Variants in SMARCA4 observed in about 807,000 individuals in gnomAD.
The protein encoded by SMARCA4 is SWI/SNF-related matrix-associated actin-dependent regulator of chromatin subfamily A member 4.
SMARCA4 carries 31 observed loss-of-function variants against 193.9 expected under a neutral mutation model. That is an observed-to-expected ratio of 0.16 (90% CI 0.12 to 0.22). The LOEUF (loss-of-function observed/expected upper bound fraction) is 0.22. Among genes scored for constraint, SMARCA4 ranks in the 10% least tolerant of loss-of-function variants. SMARCA4 has a pLI of 1.00. For synonymous variants in SMARCA4, 942 were observed against 933.1 expected (o/e 1.01, Z -0.17); for missense variants, 1,148 against 2,296.0 (o/e 0.50, Z 10.22).
chr19:11,045,072 G>A (rs576217058), intron 30 of SMARCA4, among the ~76,000 whole-genome samples: 8 of 152,364 alleles, frequency 5.3e-5, no homozygotes, highest in Admixed American at 2.0e-4. Flanking sequence ...TGTAATCCCA[G>A]CACTTTGGGA....
chr19:11,055,344 C>T (rs1187135497), intron 30 of SMARCA4, among the ~76,000 whole-genome samples: 1 of 152,140 alleles, frequency 6.6e-6, no homozygotes, highest in Non-Finnish European at 1.5e-5. Context: ...TGCCTGTCAC[C>T]ACGCCTGGCT....
chr19:10,962,379 A>G (rs2083880844), intron 1 of SMARCA4, among the ~76,000 whole-genome samples: 1 of 151,962 alleles, frequency 6.6e-6, no homozygotes, highest in Non-Finnish European at 1.5e-5. Flanking sequence ...GCAGTCTTGG[A>G]GGGGAGCGGG....
intron 13 of SMARCA4, among the ~76,000 whole-genome samples, chr19:11,006,294 G>C (rs181481208): frequency 3.7e-4 from 57 of 152,358 alleles, no homozygotes; most frequent in Middle Eastern, 3.4e-3. Flanking sequence ...AGGCTGGAAA[G>C]CCATTAAATG....
At chr19:11,001,657 T>C (rs1014975602) in intron 11 of SMARCA4, among the ~76,000 whole-genome samples, 4 of 152,156 alleles carry the variant, frequency 2.6e-5, no homozygotes, top group African/African-American at 9.6e-5. Flanking sequence ...AAGAGGTTGC[T>C]CTTATGGTGG....
rs1310204828 is a variant in SMARCA4 at position 10,991,307 on chromosome 19, G to A, written c.1403G>A (p.Arg468His). Residue 468 changes from arginine (R) to histidine (H), a missense_variant, in exon 8 of 35, where the codon CGC (arginine) becomes CAC (histidine). By Grantham distance (29) the Arg-to-His change is conservative. Transcript: ENST00000344626. ...KQQKIEQERK[R>H]RQKHQEYLNS... ...CAGAAGATCGAGCAGGAGCGCAAGCGCCGGCAGAAGCACCAGGTACGCTCC... is the reference window on the plus strand; with the variant it reads ...CAGAAGATCGAGCAGGAGCGCAAGCACCGGCAGAAGCACCAGGTACGCTCC... The A allele has an allele frequency of 1.2e-6, 2 of 1,601,852 alleles. No homozygotes were observed. Among genetic ancestry groups the A allele is most frequent in the East Asian group, 2.3e-5 (1 of 44,338 alleles).
At chr19:11,043,406 GAAA>G (rs140614452) in intron 30 of SMARCA4, among the ~76,000 whole-genome samples, 4 of 152,184 alleles carry the variant, frequency 2.6e-5, no homozygotes, top group Non-Finnish European at 5.9e-5. Context: ...TCAGTATTGA[GAAA>G]AAAATATATA....
chr19:10,978,589 G>A (rs1162893131), intron 1 of SMARCA4, among the ~76,000 whole-genome samples: 9 of 151,622 alleles, frequency 5.9e-5, no homozygotes, highest in Non-Finnish European at 1.3e-4. Flanking sequence ...GCCTCCCAAA[G>A]TGCTGGGATT....
Position 11,013,357 on chromosome 19 carries a change from G to A in SMARCA4, c.2438+245G>A, listed in dbSNP as rs530791425. Among the ~76,000 whole-genome samples, 38 of 152,298 alleles carry A rather than the reference G, an allele frequency of 2.5e-4. No homozygotes were observed. In the East Asian group the frequency reaches 6.2e-3, roughly 25 times the overall value. ...TCTTCACATGGTCCTTCCTCTGTGC[G>A]TGTCTGTGTCCTCATCTCTTCTTCT... On this transcript the variant is annotated intron_variant, in intron 16 of 34. Coordinates refer to ENST00000344626, the MANE Select transcript of SMARCA4 (RefSeq NM_003072.5).
rs745677681 is a variant in SMARCA4, at chr19:11,041,460, A to C, written c.4324A>C (p.Lys1442Gln). Residue 1442 changes from lysine to glutamine, a missense_variant, in exon 30 of 35, where the codon AAG (lysine) becomes CAG (glutamine). Coordinates refer to ENST00000344626, the MANE Select transcript of SMARCA4 (RefSeq NM_003072.5). This position sits in a 1 kb window ranked among gnomAD's most constrained non-coding sequence, Gnocchi z 5.6. ...GGACGACGAGAGCAAGAAGCAGAAG[A>C]AGCGCGGGCGGCCGCCTGCCGAGAA... Reference protein sequence around the residue: ...DKDDESKKQKKRGRPPAEKLS... With the variant: ...DKDDESKKQKQRGRPPAEKLS... The C allele has an allele frequency of 6.2e-7, 1 of 1,612,580 alleles. No individual in the cohort carries two copies. Among genetic ancestry groups the C allele is most frequent in the Non-Finnish European group, 8.5e-7 (1 of 1,179,924 alleles).
chr19:10,967,513 T>C (rs1206213875), intron 1 of SMARCA4, among the ~76,000 whole-genome samples: 1 of 150,688 alleles, frequency 6.6e-6, no homozygotes, highest in Admixed American at 6.6e-5. Context: ...GGTTTCACCA[T>C]GTTAGCCAGG....
At chr19:11,042,589 G>A (rs1323783545) in intron 30 of SMARCA4, among the ~76,000 whole-genome samples, 1 of 152,244 alleles carries the variant, frequency 6.6e-6, no homozygotes, top group East Asian at 1.9e-4. Flanking sequence ...ATCTGTTGGA[G>A]GGGAAAGTGA....
At chr19:10,962,005 C>T (rs1317652889) in intron 1 of SMARCA4, among the ~76,000 whole-genome samples, 2 of 145,204 alleles carry the variant, frequency 1.4e-5, no homozygotes, top group South Asian at 2.2e-4. Context: ...TCAGTGACTC[C>T]TTGGGGAAAG....
intron 11 of SMARCA4, among the ~76,000 whole-genome samples, chr19:11,000,750 G>T (rs1483345215): frequency 1.3e-5 from 2 of 151,542 alleles, no homozygotes; most frequent in African/African-American, 2.4e-5. Flanking sequence ...GTGGTGGCAG[G>T]CTTCTGTAGT....
In SMARCA4 at chr19:11,019,800, G is replaced by T; in HGVS notation, c.2616+99G>T. 2 of 842,318 alleles carry T rather than the reference G, an allele frequency of 2.4e-6. No individual in the cohort carries two copies. Among genetic ancestry groups the T allele is most frequent in the South Asian group, 1.4e-5 (1 of 70,274 alleles). The allele number at this position is 842,318 out of a possible 1,614,324, so 52.2% of individuals were successfully genotyped here. A position where few individuals can be genotyped will look rare whatever the true frequency, so the allele number is the denominator to read the frequency against. On this transcript the variant is annotated intron_variant, in intron 18 of 34. Transcript: ENST00000344626. This position sits in a 1 kb window ranked among gnomAD's most constrained non-coding sequence, Gnocchi z 6.1. ...CAAAGCCCCTACAAGTTTCTTCCCG[G>T]AGTCCCACCTGCATGTGCGTGAAGA... is the stretch of plus-strand genomic sequence containing the variant.
In SMARCA4 at chr19:10,966,891, A is replaced by G. The variant is rs780816194; in HGVS notation, c.-32+5717A>G. 2.3e-4 allele frequency among the ~76,000 whole-genome samples: 35 copies of G among 151,858 alleles called. 1 individual carries two copies. Among genetic ancestry groups the G allele is most frequent in the Middle Eastern group, 3.4e-3 (1 of 294 alleles). On this transcript the variant is annotated intron_variant, in intron 1 of 34. Transcript: ENST00000344626. ...CGACAGAGCAAGACTACGTCTCTAC[A>G]AAAGAAAAAAAAAAAGCCGGGGGTT...
chr19:10,993,474 T>G (rs2086733427), intron 8 of SMARCA4, among the ~76,000 whole-genome samples: 1 of 152,206 alleles, frequency 6.6e-6, no homozygotes, highest in Admixed American at 6.5e-5. Flanking sequence ...ATTTTGGAGC[T>G]GGTCTCTGAT....
At position 11,030,598 on chromosome 19, in the gene SMARCA4, T is replaced by G. The variant is rs1164248175; in HGVS notation, c.3383-132T>G. The G allele has an allele frequency of 1.0e-5, 8 of 803,480 alleles. No individual in the cohort carries two copies. Among genetic ancestry groups the G allele is most frequent in the Non-Finnish European group, 1.7e-5 (8 of 482,548 alleles). 49.8% of individuals were successfully genotyped at this position (803,480 alleles called of 1,614,324 possible). On this transcript the variant is annotated intron_variant, in intron 24 of 34. Coordinates refer to ENST00000344626, the MANE Select transcript of SMARCA4 (RefSeq NM_003072.5). This position sits in a 1 kb window ranked among gnomAD's most constrained non-coding sequence, Gnocchi z 5.5. ...GTGGCCCACAGGCCCGTGTGGAGAG[T>G]GCGGAGCCAGGGATCTGGGGATGCT...
chr19:11,008,053 G>C, intron 14 of SMARCA4, 30 bp downstream of exon 14: 1 of 1,607,466 alleles, frequency 6.2e-7, no homozygotes, highest in Non-Finnish European at 8.5e-7. Context: ...GTTGTTCTGT[G>C]CCAGCTTCCT....
chr19:11,040,767 A>G (rs2075560112), intron 29 of SMARCA4: 1 of 152,190 alleles, frequency 6.6e-6, no homozygotes, highest in Admixed American at 6.6e-5. Context: ...AAATTTTTTT[A>G]ATTAGCTGAG....
Sources: gnomAD v4.1 joint callset for allele counts (sites outside exome capture counted in the v4.1 genomes callset) on GRCh38, gnomAD v4.1.1 for gene constraint, Gnocchi (gnomAD v3.1) non-coding constraint, MANE v1.5 for transcripts, NCBI Gene and HGNC (gene_info 2026-07-23, HGNC 2026-07-21) for gene names.